The following TBX15 variants were observed in gnomAD, a reference collection of about 807,000 sequenced individuals.
The protein encoded by TBX15 is T-box transcription factor TBX15.
A neutral mutation model predicts 53.9 loss-of-function variants in TBX15; 18 were observed. The observed-to-expected ratio is 0.33, with a 90% confidence interval of 0.23 to 0.49. The LOEUF (loss-of-function observed/expected upper bound fraction) is 0.49, where lower values mean the gene tolerates loss of function less well. Among genes scored for constraint, TBX15 ranks in the 20% least tolerant of loss-of-function variants. The pLI, the probability that TBX15 is intolerant of heterozygous loss-of-function variation, is 0.98. For synonymous variants in TBX15, 295 were observed against 278.0 expected, an observed-to-expected ratio of 1.06 and a Z score of -0.61; for missense variants, 692 against 749.5, an observed-to-expected ratio of 0.92 and a Z score of 0.90.
chr1:118,942,418 T>C (rs1287510370), intron 1 of TBX15, among the ~76,000 whole-genome samples: 1 of 152,200 alleles, frequency 6.6e-6, no homozygotes, highest in Non-Finnish European at 1.5e-5. Flanking sequence ...AGAAGAGATA[T>C]AGCCAGAGAA....
intron 1 of TBX15, among the ~76,000 whole-genome samples, chr1:118,972,065 A>C (rs1276596142): frequency 1.3e-5 from 2 of 152,218 alleles, no homozygotes; most frequent in Non-Finnish European, 2.9e-5. Context: ...TACACCTTTG[A>C]GAGTTGCAGA....
At chr1:118,956,801 A>C (rs1656703865) in intron 1 of TBX15, among the ~76,000 whole-genome samples, 1 of 151,720 alleles carries the variant, frequency 6.6e-6, no homozygotes, top group Non-Finnish European at 1.5e-5. Flanking sequence ...AAAAAAAAAA[A>C]ATTAGCCGGA....
intron 5 of TBX15, among the ~76,000 whole-genome samples, chr1:118,922,421 G>A (rs1233760035): frequency 6.6e-6 from 1 of 152,146 alleles, no homozygotes; most frequent in Admixed American, 6.5e-5. Context: ...GAGCAATGTA[G>A]GCTGACTACT....
At position 118,884,866 on chromosome 1, in the gene TBX15, G is replaced by T. The variant is rs745518737; in HGVS notation, c.1675C>A (p.Pro559Thr). 6.2e-7 allele frequency: 1 copy of T among 1,614,198 alleles called. No individual in the cohort carries two copies. Among genetic ancestry groups the T allele is most frequent in the South Asian group, 1.1e-5 (1 of 91,082 alleles). The part of the protein sequence containing the change: ...NGAFGERQYL[P>T]SGMEHSMHMI... The stretch of plus-strand genomic sequence containing the variant: ...TGCATGCTGTGCTCCATCCCTGACG[G>T]CAGGTACTGCCTCTCTCCAAAGGCC... Residue 559 changes from proline (P) to threonine (T), a missense_variant, in exon 8 of 8, where the codon CCG becomes ACG. By Grantham distance (38) the Pro-to-Thr change is conservative. This residue lies in a region of TBX15 where 375 missense variants were observed against 371.6 expected (regional missense o/e 1.01). Coordinates refer to ENST00000369429, the MANE Select transcript of TBX15 (RefSeq NM_001330677.2).
At chr1:118,907,377 T>C (rs1396591197) in intron 6 of TBX15, among the ~76,000 whole-genome samples, 1 of 152,222 alleles carries the variant, frequency 6.6e-6, no homozygotes, top group Admixed American at 6.5e-5. Flanking sequence ...ACAACCTTAA[T>C]AATCTCATTT....
At chr1:118,920,966 G>A (rs1655405557) in intron 5 of TBX15, among the ~76,000 whole-genome samples, 1 of 152,024 alleles carries the variant, frequency 6.6e-6, no homozygotes, top group Non-Finnish European at 1.5e-5. Flanking sequence ...CTTGAGCCCA[G>A]GAGTTCAAGA....
chr1:118,909,769 G>T (rs1244526072), intron 6 of TBX15, among the ~76,000 whole-genome samples: 1 of 152,042 alleles, frequency 6.6e-6, no homozygotes, highest in Non-Finnish European at 1.5e-5. Flanking sequence ...TTTTACTAGA[G>T]ACAAGGTTTC....
At chr1:118,919,165 C>T (rs1655342891) in intron 5 of TBX15, among the ~76,000 whole-genome samples, 2 of 152,248 alleles carry the variant, frequency 1.3e-5, no homozygotes, top group South Asian at 4.2e-4. Context: ...GAAAACAAGG[C>T]CATGTCTTTT....
chr1:118,978,000 G>GT (rs1657494549), intron 1 of TBX15, among the ~76,000 whole-genome samples: 1 of 152,104 alleles, frequency 6.6e-6, no homozygotes, highest in African/African-American at 2.4e-5. Flanking sequence ...CAAATCCAGA[G>GT]TTTTTCCAGT....
intron 7 of TBX15, among the ~76,000 whole-genome samples, chr1:118,887,826 C>T (rs747801469): frequency 5.9e-5 from 9 of 151,876 alleles, no homozygotes; most frequent in Admixed American, 1.3e-4. Context: ...AAAAAAAAAG[C>T]GTTCATCTTA....
upstream of TBX15, among the ~76,000 whole-genome samples, chr1:118,989,021 T>C (rs1657940996): frequency 6.6e-6 from 1 of 152,142 alleles, no homozygotes; most frequent in African/African-American, 2.4e-5. Context: ...TAGGGCGAGC[T>C]CCTCAGGCGT....
chr1:118,892,560 A>G (rs995056290), intron 7 of TBX15, among the ~76,000 whole-genome samples: 1 of 152,218 alleles, frequency 6.6e-6, no homozygotes, highest in Non-Finnish European at 1.5e-5. Context: ...AAAAGGAAGA[A>G]TATATAAATA....
rs757389705 is a variant in TBX15 at position 118,885,531 on chromosome 1, G to A, written c.1025-15C>T. 4 of 1,562,770 alleles carry A rather than the reference G, an allele frequency of 2.6e-6. No individual in the cohort carries two copies. Among genetic ancestry groups the A allele is most frequent in the Admixed American group, 3.8e-5 (2 of 53,094 alleles). On this transcript the variant is annotated splice_polypyrimidine_tract_variant and intron_variant, in intron 7 of 7. Transcript: ENST00000369429. ...TGTGCTGCCTCCTGAAAAATAAAAC[G>A]TGAATACTATTGAGACAGAGTCTTT...
intron 7 of TBX15, among the ~76,000 whole-genome samples, chr1:118,892,748 A>G (rs1275595545): frequency 6.6e-6 from 1 of 152,206 alleles, no homozygotes; most frequent in Admixed American, 6.5e-5. Context: ...TCCCAAGAAG[A>G]CTTAACATTA....
At chr1:118,907,572 C>A (rs1654881254) in intron 6 of TBX15, among the ~76,000 whole-genome samples, 1 of 152,204 alleles carries the variant, frequency 6.6e-6, no homozygotes, top group South Asian at 2.1e-4. Context: ...TTGGTTATCT[C>A]TTTCATGTGC....
intron 5 of TBX15, among the ~76,000 whole-genome samples, chr1:118,916,212 T>A (rs934147105): frequency 2.6e-5 from 4 of 151,944 alleles, no homozygotes; most frequent in Non-Finnish European, 5.9e-5. Context: ...AATTACAATA[T>A]AAAAAAGAAG....
intron 7 of TBX15, among the ~76,000 whole-genome samples, chr1:118,888,051 T>C (rs1654012144): frequency 6.6e-6 from 1 of 152,222 alleles, no homozygotes; most frequent in South Asian, 2.1e-4. Flanking sequence ...CTTCCTCCTT[T>C]CTAATACTCA....
At chr1:118,906,105 T>A in intron 6 of TBX15, among the ~76,000 whole-genome samples, 1 of 152,190 alleles carries the variant, frequency 6.6e-6, no homozygotes, top group East Asian at 1.9e-4. Flanking sequence ...GGACCACAGA[T>A]ACTCTGTGAA....
intron 1 of TBX15, among the ~76,000 whole-genome samples, chr1:118,932,650 T>C (rs1251506494): frequency 6.6e-6 from 1 of 152,150 alleles, no homozygotes; most frequent in Non-Finnish European, 1.5e-5. Flanking sequence ...GTTGGCATGC[T>C]GGTCCAGATG....
Sources: gnomAD v4.1 joint callset for allele counts (sites outside exome capture counted in the v4.1 genomes callset) on GRCh38, gnomAD v4.1.1 for gene constraint, gnomAD v4.1.1 regional missense constraint, MANE v1.5 for transcripts, NCBI Gene and HGNC (gene_info 2026-07-23, HGNC 2026-07-21) for gene names.